Variants in DARS1 observed in about 807,000 individuals in gnomAD.
DARS1 encodes the protein aspartyl-tRNA synthetase 1, also known as aspartate--tRNA ligase, cytoplasmic.
A neutral mutation model predicts 68.8 loss-of-function variants in DARS1; 51 were observed. The observed-to-expected ratio is 0.74, with a 90% CI of 0.59 to 0.94. The LOEUF (loss-of-function observed/expected upper bound fraction) is 0.94, where lower values mean the gene tolerates loss of function less well. DARS1 is among the 40% of genes least tolerant of loss of function. The pLI is 0.00. For synonymous variants in DARS1, 203 were observed against 190.4 expected (o/e 1.07, Z -0.55); for missense variants, 607 against 597.3 (o/e 1.02, Z -0.17).
At chr2:135,942,206 T>C (rs1447371053) in intron 5 of DARS1, among the ~76,000 whole-genome samples, 3 of 152,250 alleles carry the variant, frequency 2.0e-5, no homozygotes, top group East Asian at 1.9e-4. Context: ...CATGCACACG[T>C]ACGTTTATTG....
At chr2:135,936,505 C>A (rs923711602) in intron 5 of DARS1, among the ~76,000 whole-genome samples, 1 of 152,164 alleles carries the variant, frequency 6.6e-6, no homozygotes, top group African/African-American at 2.4e-5. Flanking sequence ...AAGTGATCCT[C>A]CCACCCTGGC....
chr2:135,933,663 TC>T (rs1681403183), intron 6 of DARS1, among the ~76,000 whole-genome samples: 1 of 152,104 alleles, frequency 6.6e-6, no homozygotes, highest in Non-Finnish European at 1.5e-5. Context: ...ATGTTTTAAT[TC>T]CCAATACTGT....
chr2:135,939,446 G>T (rs1341787692), intron 5 of DARS1, among the ~76,000 whole-genome samples: 2 of 152,182 alleles, frequency 1.3e-5, no homozygotes, highest in African/African-American at 4.8e-5. Context: ...AAATAAAGAT[G>T]TTCTTTGAAA....
At chr2:135,926,885 C>T (rs1362663340) in intron 7 of DARS1, among the ~76,000 whole-genome samples, 7 of 152,052 alleles carry the variant, frequency 4.6e-5, no homozygotes, top group South Asian at 2.1e-4. Context: ...AGGAAGAGTA[C>T]TAAGCAGACT....
intron 6 of DARS1, among the ~76,000 whole-genome samples, 164 bp downstream of exon 6, chr2:135,933,746 C>T (rs1681404578): frequency 6.6e-6 from 1 of 151,950 alleles, no homozygotes; most frequent in African/African-American, 2.4e-5. Flanking sequence ...ATGTAAAAGG[C>T]AACTCGATAC....
chr2:135,951,569 A>T (rs760495087), intron 4 of DARS1, among the ~76,000 whole-genome samples: 18 of 152,248 alleles, frequency 1.2e-4, no homozygotes, highest in African/African-American at 1.7e-4. Flanking sequence ...TCGTTGACAC[A>T]TTAGGGAACA....
intron 4 of DARS1, among the ~76,000 whole-genome samples, chr2:135,950,746 T>C (rs879858588): frequency 7.9e-5 from 12 of 152,120 alleles, no homozygotes; most frequent in Admixed American, 1.3e-4. Context: ...CTATTTTCAT[T>C]ATAAAGTAGA....
intron 11 of DARS1, 129 bp from the exon 12 acceptor site, chr2:135,914,640 T>C (rs1304417579): frequency 4.5e-5 from 32 of 705,516 alleles, no homozygotes; most frequent in Non-Finnish European, 7.9e-5. Flanking sequence ...TTGTCTATTC[T>C]GCTCTTTTCT....
rs1575391182 is a variant in DARS1 at position 135,933,958 on chromosome 2, C to T, written c.456G>A (p.Leu152=). 1.2e-6 allele frequency: 2 copies of T among 1,613,806 alleles called. No individual in the cohort carries two copies. The highest frequency in any genetic ancestry group is 2.7e-5 in the African/African-American group (2 of 75,052). The part of the protein sequence containing the change: ...IYVISLAEPR[L]PLQLDDAVRP... ...GAACAGCATCATCCAGCTGCAGGGG[C>T]AGACGGGGTTCAGCCAAACTGATCA... The change falls in exon 6 of 16, where the codon CTG becomes CTA. Residue 152 remains leucine, a synonymous_variant. Coordinates refer to ENST00000264161, the MANE Select transcript of DARS1 (RefSeq NM_001349.4).
At chr2:135,970,187 C>T (rs888084443) in intron 3 of DARS1, among the ~76,000 whole-genome samples, 21 of 146,318 alleles carry the variant, frequency 1.4e-4, no homozygotes, top group African/African-American at 2.0e-4. Flanking sequence ...GGCTGCAGTG[C>T]GCTGCAATCA....
intron 7 of DARS1, among the ~76,000 whole-genome samples, chr2:135,927,681 A>G (rs896564166): frequency 6.6e-6 from 1 of 152,190 alleles, no homozygotes; most frequent in Non-Finnish European, 1.5e-5. Flanking sequence ...CATGAGGTAG[A>G]AGATAAACTA....
chr2:135,912,875 G>T (rs972420947), intron 12 of DARS1, among the ~76,000 whole-genome samples: 5 of 151,464 alleles, frequency 3.3e-5, no homozygotes, highest in Non-Finnish European at 7.4e-5. Context: ...CATGGCTTAA[G>T]CAGGAGCCTG....
At chr2:135,934,014 A>G in intron 5 of DARS1, 24 bp from the exon 6 acceptor site, 1 of 1,605,444 alleles carries the variant, frequency 6.2e-7, no homozygotes, top group Non-Finnish European at 8.5e-7. Context: ...ATTACCAAAA[A>G]TAGTAGAAAG....
At chr2:135,980,722 T>C (rs1007897103) in intron 2 of DARS1, among the ~76,000 whole-genome samples, 1 of 152,136 alleles carries the variant, frequency 6.6e-6, no homozygotes, top group African/African-American at 2.4e-5. Context: ...GATTTGAAAA[T>C]GCCAAGACTG....
At chr2:135,932,008 C>CA (rs901658446) in intron 7 of DARS1, among the ~76,000 whole-genome samples, 28 of 152,190 alleles carry the variant, frequency 1.8e-4, no homozygotes, top group African/African-American at 6.3e-4. Context: ...TAGGTAGTAT[C>CA]AAGAGGACTT....
intron 5 of DARS1, among the ~76,000 whole-genome samples, chr2:135,934,561 G>T (rs1251982525): frequency 6.6e-6 from 1 of 151,996 alleles, no homozygotes. Flanking sequence ...GGCAGAGGTT[G>T]CAGTGAGCCA....
chr2:135,968,788 G>A (rs893297220), intron 3 of DARS1, among the ~76,000 whole-genome samples: 1 of 151,420 alleles, frequency 6.6e-6, no homozygotes, highest in Non-Finnish European at 1.5e-5. Context: ...CAGACTCCCA[G>A]GTAGCTGGGA....
At chr2:135,931,305 T>C (rs568908699) in intron 7 of DARS1, among the ~76,000 whole-genome samples, 2 of 152,282 alleles carry the variant, frequency 1.3e-5, no homozygotes, top group African/African-American at 2.4e-5. Flanking sequence ...GGTACAAACA[T>C]AGCTCACTGC....
At chr2:135,925,220 A>G in intron 7 of DARS1, among the ~76,000 whole-genome samples, 1 of 152,152 alleles carries the variant, frequency 6.6e-6, no homozygotes, top group East Asian at 1.9e-4. Flanking sequence ...TCTCTACTTT[A>G]GACTAACTTT....
Sources: allele counts gnomAD v4.1 joint callset (sites outside exome capture counted in the v4.1 genomes callset), GRCh38; gene constraint gnomAD v4.1.1; transcripts MANE v1.5; gene names NCBI Gene and HGNC (gene_info 2026-07-23, HGNC 2026-07-21).